Variants in ZNF407 observed in about 807,000 individuals in gnomAD.
ZNF407 encodes the protein zinc finger protein 407.
ZNF407 carries 17 observed loss-of-function variants against 131.2 expected under a neutral mutation model. The ratio of observed to expected loss-of-function variants is 0.13; its 90% CI spans 0.09 to 0.19. The LOEUF (loss-of-function observed/expected upper bound fraction) is 0.19. ZNF407 is among the 10% of genes least tolerant of loss of function. ZNF407 has a pLI of 1.00. For synonymous variants in ZNF407, 1,156 were observed against 1,062.0 expected, an observed-to-expected ratio of 1.09 and a Z score of -1.72; for missense variants, 2,681 against 2,830.6, an observed-to-expected ratio of 0.95 and a Z score of 1.20.
intron 3 of ZNF407, among the ~76,000 whole-genome samples, chr18:74,713,263 A>T (rs1347753092): frequency 9.9e-5 from 15 of 151,866 alleles, no homozygotes. Context: ...AAAATAAATG[A>T]CATGGGCAAT....
chr18:75,041,624 A>G (rs1232748013), intron 8 of ZNF407, among the ~76,000 whole-genome samples: 5 of 38,532 alleles, frequency 1.3e-4, no homozygotes, highest in East Asian at 7.7e-4. Flanking sequence ...ATGCACGTGC[A>G]CACACACACA....
chr18:74,834,453 C>T (rs1365735080), intron 4 of ZNF407, among the ~76,000 whole-genome samples: 1 of 152,174 alleles, frequency 6.6e-6, no homozygotes, highest in African/African-American at 2.4e-5. Flanking sequence ...TTAGTATAGA[C>T]ATCTTTGAGA....
At chr18:74,910,963 G>A (rs1307241774) in intron 7 of ZNF407, among the ~76,000 whole-genome samples, 2 of 152,106 alleles carry the variant, frequency 1.3e-5, no homozygotes, top group East Asian at 3.9e-4. Flanking sequence ...GATCCTCATA[G>A]ACCTGGTGCT....
chr18:74,966,662 C>T (rs1464965244), intron 8 of ZNF407, among the ~76,000 whole-genome samples: 1 of 152,080 alleles, frequency 6.6e-6, no homozygotes, highest in Non-Finnish European at 1.5e-5. Flanking sequence ...TTTCTGATTT[C>T]ATATAAATTT....
At chr18:74,882,768 G>C (rs1258248299) in intron 6 of ZNF407, among the ~76,000 whole-genome samples, 2 of 152,194 alleles carry the variant, frequency 1.3e-5, no homozygotes, top group Non-Finnish European at 2.9e-5. Flanking sequence ...GATGACAGGA[G>C]GGGCCCAGTT....
At chr18:74,886,983 A>C (rs1055683508) in intron 6 of ZNF407, among the ~76,000 whole-genome samples, 5 of 152,168 alleles carry the variant, frequency 3.3e-5, no homozygotes, top group Non-Finnish European at 7.4e-5. Flanking sequence ...TATCTAGCCT[A>C]GTGCTTCCTT....
chr18:74,762,923 G>A (rs1396700303), intron 3 of ZNF407, among the ~76,000 whole-genome samples: 2 of 151,854 alleles, frequency 1.3e-5, no homozygotes, highest in African/African-American at 2.4e-5. Flanking sequence ...AACAAGTTTT[G>A]TATGGCCATA....
At chr18:74,933,499 A>G (rs1972006333) in intron 8 of ZNF407, among the ~76,000 whole-genome samples, 1 of 152,156 alleles carries the variant, frequency 6.6e-6, no homozygotes, top group African/African-American at 2.4e-5. Flanking sequence ...GTGTGATGGT[A>G]CTTAATTAAC....
At chr18:74,986,449 T>C (rs777966097) in intron 8 of ZNF407, among the ~76,000 whole-genome samples, 1 of 152,216 alleles carries the variant, frequency 6.6e-6, no homozygotes, top group Non-Finnish European at 1.5e-5. Context: ...TAGCTAATAC[T>C]GTTTCTCGGA....
At chr18:74,853,862 C>G (rs1970822960) in intron 4 of ZNF407, among the ~76,000 whole-genome samples, 1 of 152,032 alleles carries the variant, frequency 6.6e-6, no homozygotes, top group Non-Finnish European at 1.5e-5. Context: ...GCTAATAGAC[C>G]AGGAGGGGAT....
chr18:74,921,829 C>T (rs921514809), intron 8 of ZNF407, among the ~76,000 whole-genome samples: 2 of 152,064 alleles, frequency 1.3e-5, no homozygotes, highest in African/African-American at 2.4e-5. Flanking sequence ...ACCAGAAATG[C>T]GAGGTTCCAG....
chr18:74,984,513 A>G (rs1972629984), intron 8 of ZNF407, among the ~76,000 whole-genome samples: 1 of 152,234 alleles, frequency 6.6e-6, no homozygotes, highest in Non-Finnish European at 1.5e-5. Context: ...ATTTAGGTTC[A>G]GCATGTAAGT....
At chr18:74,688,689 A>G (rs2144793141) in intron 3 of ZNF407, among the ~76,000 whole-genome samples, 1 of 152,306 alleles carries the variant, frequency 6.6e-6, no homozygotes, top group Non-Finnish European at 1.5e-5. Context: ...TTTTGAGTTA[A>G]TTTTTGAAAA....
chr18:74,904,536 CT>C (rs1971570359), intron 7 of ZNF407, among the ~76,000 whole-genome samples: 1 of 152,150 alleles, frequency 6.6e-6, no homozygotes, highest in Non-Finnish European at 1.5e-5. Flanking sequence ...CAGTGGGACT[CT>C]TCCTGAAATG....
chr18:74,821,071 G>A (rs145699136), intron 4 of ZNF407, among the ~76,000 whole-genome samples: 33 of 152,204 alleles, frequency 2.2e-4, no homozygotes, highest in African/African-American at 7.2e-4. Flanking sequence ...TTCTGTGATC[G>A]ATGCCTTGTC....
chr18:74,716,687 T>C (rs924273161), intron 3 of ZNF407, among the ~76,000 whole-genome samples: 1 of 152,172 alleles, frequency 6.6e-6, no homozygotes, highest in Non-Finnish European at 1.5e-5. Context: ...TATACTATGG[T>C]AAAAATTAAT....
chr18:75,010,396 C>G (rs1388717411), intron 8 of ZNF407, among the ~76,000 whole-genome samples: 1 of 152,144 alleles, frequency 6.6e-6, no homozygotes, highest in African/African-American at 2.4e-5. Context: ...ACTGACAGCT[C>G]ACTCCAGGGT....
At chr18:74,685,361 C>G (rs915109276) in intron 3 of ZNF407, among the ~76,000 whole-genome samples, 9 of 152,186 alleles carry the variant, frequency 5.9e-5, no homozygotes, top group African/African-American at 2.2e-4. Context: ...CAGCTGCTCA[C>G]CATCTATCCT....
chr18:75,004,882 C>A lies in ZNF407; in HGVS notation c.5429-58268C>A, dbSNP rs144402049. On this transcript the variant is annotated intron_variant, in intron 8 of 8. Transcript: ENST00000299687. ...TACGCCTCTCCTCGGCCCCACCGCA[C>A]TTAGAGATGGCTTCTGGCAGCGCTG... Among the ~76,000 whole-genome samples, 417 of 152,284 alleles carry A rather than the reference C, an allele frequency of 2.7e-3. 2 individuals are homozygous for A. The highest frequency in any genetic ancestry group is 9.2e-3 in the African/African-American group (382 of 41,542).
Sources: gnomAD v4.1 joint callset for allele counts (sites outside exome capture counted in the v4.1 genomes callset) on GRCh38, gnomAD v4.1.1 for gene constraint, MANE v1.5 for transcripts, NCBI Gene and HGNC (gene_info 2026-07-23, HGNC 2026-07-21) for gene names.